ACKR5: variants seen among roughly 807,000 people sequenced by gnomAD.
The protein encoded by ACKR5 is atypical chemokine receptor 5.
At chr12:56,997,508 C>T in the ACKR5 span, 14,106 of 152,294 alleles carry the variant, frequency 0.093, 685 homozygotes, top group East Asian at 0.18. Flanking sequence ...TTCCTTAACA[C>T]TTGTTCTACA....
chr12:56,998,855 T>C, the ACKR5 span: 1 of 152,662 alleles, frequency 6.6e-6, no homozygotes, highest in Non-Finnish European at 1.5e-5. Context: ...TCTTTTTTTA[T>C]TCTAAATAAA....
At chr12:56,998,462 T>C in the ACKR5 span, 2 of 152,248 alleles carry the variant, frequency 1.3e-5, no homozygotes, top group African/African-American at 2.4e-5. Context: ...TGTTTCAATC[T>C]GCCTCGCTCC....
At chr12:56,995,556 A>G in the ACKR5 span, 1 of 1,613,802 alleles carries the variant, frequency 6.2e-7, no homozygotes, top group Non-Finnish European at 8.5e-7. This position sits in a 1 kb window ranked among gnomAD's most constrained non-coding sequence, Gnocchi z 4.7. Context: ...GTCACGCTGG[A>G]CTACACCTGG....
the ACKR5 span, among the ~76,000 whole-genome samples, chr12:56,995,041 A>G: frequency 1.3e-5 from 2 of 152,148 alleles, no homozygotes; most frequent in Non-Finnish European, 2.9e-5. This position sits in a 1 kb window ranked among gnomAD's most constrained non-coding sequence, Gnocchi z 4.7. Context: ...TGAGTTGTGT[A>G]TTATTTATTC....
the ACKR5 span, chr12:56,996,986 G>A: frequency 6.5e-6 from 1 of 152,762 alleles, no homozygotes; most frequent in East Asian, 1.9e-4. Flanking sequence ...GGATGGGGAT[G>A]GCAGGGGTGG....
the ACKR5 span, chr12:56,995,684 T>C: frequency 6.2e-7 from 1 of 1,613,604 alleles, no homozygotes. The surrounding 1 kb of genome is among the most constrained non-coding windows in gnomAD (Gnocchi z 4.7). Flanking sequence ...CACCAGCGCC[T>C]CCCCCTCCTG....
At chr12:56,995,501 G>A in the ACKR5 span, 8 of 1,614,128 alleles carry the variant, frequency 5.0e-6, no homozygotes, top group East Asian at 4.5e-5. The surrounding 1 kb of genome is among the most constrained non-coding windows in gnomAD (Gnocchi z 4.7). Flanking sequence ...CATGGCCATC[G>A]CGGACCTGGG....
chr12:56,996,257 G>A, the ACKR5 span: 17 of 1,613,988 alleles, frequency 1.1e-5, no homozygotes, highest in East Asian at 2.2e-5. Context: ...GGGCACATGC[G>A]CCTCCTCTTC....
chr12:56,995,457 G>A, the ACKR5 span: 6 of 1,614,102 alleles, frequency 3.7e-6, no homozygotes, highest in African/African-American at 1.3e-5. The surrounding 1 kb of genome is among the most constrained non-coding windows in gnomAD (Gnocchi z 4.7). Context: ...CGCGGCTCAG[G>A]CCGGGCAGGG....
chr12:56,995,217 T>A, the ACKR5 span: 1 of 1,612,502 alleles, frequency 6.2e-7, no homozygotes, highest in South Asian at 1.1e-5. This position sits in a 1 kb window ranked among gnomAD's most constrained non-coding sequence, Gnocchi z 4.7. Flanking sequence ...CCAATGTCAG[T>A]GAAACCCAGC....
At chr12:56,997,846 T>G in the ACKR5 span, 1 of 152,338 alleles carries the variant, frequency 6.6e-6, no homozygotes, top group Middle Eastern at 3.4e-3. Context: ...GTGGATGCAC[T>G]GACAGCGTGC....
At chr12:56,996,849 AGCTTGT>A in the ACKR5 span, 1 of 164,898 alleles carries the variant, frequency 6.1e-6, no homozygotes, top group South Asian at 1.8e-4. Flanking sequence ...TGCGTTTGTG[AGCTTGT>A]TGATCTTCCA....
chr12:56,995,298 C>T, the ACKR5 span: 134 of 1,614,218 alleles, frequency 8.3e-5, 2 homozygotes, highest in South Asian at 1.4e-3. This position sits in a 1 kb window ranked among gnomAD's most constrained non-coding sequence, Gnocchi z 4.7. Flanking sequence ...CACAACTGGA[C>T]CGAGCTGCTT....
chr12:56,997,757 G>A, the ACKR5 span: 1 of 152,228 alleles, frequency 6.6e-6, no homozygotes, highest in Non-Finnish European at 1.5e-5. Context: ...TGCTCCATGT[G>A]TCTGGAATGT....
At chr12:56,996,317 C>A in the ACKR5 span, 1 of 1,614,184 alleles carries the variant, frequency 6.2e-7, no homozygotes, top group South Asian at 1.1e-5. Context: ...TGATAGCCAG[C>A]CTGCTGCAGC....
At chr12:56,996,254 T>C in the ACKR5 span, 151,089 of 1,613,990 alleles carry the variant, frequency 0.094, 7,637 homozygotes, top group African/African-American at 0.16. Flanking sequence ...GGCGGGCACA[T>C]GCGCCTCCTC....
the ACKR5 span, chr12:56,996,172 C>G: frequency 6.2e-7 from 1 of 1,614,148 alleles, no homozygotes; most frequent in Non-Finnish European, 8.5e-7. Flanking sequence ...TCCTTTACAA[C>G]TTTCTCAGCC....
At chr12:56,995,779 C>T in the ACKR5 span, 1 of 1,614,136 alleles carries the variant, frequency 6.2e-7, no homozygotes, top group Non-Finnish European at 8.5e-7. This position sits in a 1 kb window ranked among gnomAD's most constrained non-coding sequence, Gnocchi z 4.7. Flanking sequence ...CTGAGGTGGT[C>T]CACATCCAGC....
At chr12:56,995,552 C>T in the ACKR5 span, 1 of 1,614,032 alleles carries the variant, frequency 6.2e-7, no homozygotes, top group South Asian at 1.1e-5. The surrounding 1 kb of genome is among the most constrained non-coding windows in gnomAD (Gnocchi z 4.7). Flanking sequence ...GGAGGTCACG[C>T]TGGACTACAC....
Sources: gnomAD v4.1 joint callset for allele counts (sites outside exome capture counted in the v4.1 genomes callset) on GRCh38, gnomAD v4.1.1 for gene constraint, Gnocchi (gnomAD v3.1) non-coding constraint, MANE v1.5 for transcripts, NCBI Gene and HGNC (gene_info 2026-07-23, HGNC 2026-07-21) for gene names.